The following FHIP2A variants were observed in gnomAD, a reference collection of about 807,000 sequenced individuals.
FHIP2A encodes family with sequence similarity 160 member B1.
A neutral mutation model predicts 93.5 loss-of-function variants in FHIP2A; 46 were observed. The ratio of observed to expected loss-of-function variants is 0.49; its 90% CI spans 0.39 to 0.63. The LOEUF is 0.63. Among genes scored for constraint, FHIP2A ranks in the 20% least tolerant of loss-of-function variants. The pLI, the probability that FHIP2A is intolerant of heterozygous loss-of-function variation, is 0.00. For synonymous variants in FHIP2A, 332 were observed against 326.5 expected (o/e 1.02, Z -0.18); for missense variants, 769 against 909.7 (o/e 0.85, Z 1.99).
At chr10:114,891,219 A>AATATATAT (rs67046628) in intron 16 of FHIP2A, among the ~76,000 whole-genome samples, 31,297 of 137,830 alleles carry the variant, frequency 0.23, 4,103 homozygotes, top group Middle Eastern at 0.34. Context: ...AACAACAACA[A>AATATATAT]ATATATATAT....
At chr10:114,857,467 G>A (rs1436321119) in intron 14 of FHIP2A, among the ~76,000 whole-genome samples, 3 of 151,708 alleles carry the variant, frequency 2.0e-5, no homozygotes, top group East Asian at 1.9e-4. Context: ...ACACCACCAC[G>A]CCTGGCAAAT....
Position 114,861,321 on chromosome 10 carries a change from C to G in FHIP2A, c.2179C>G (p.Pro727Ala). 1 of 1,614,156 alleles carries G rather than the reference C, an allele frequency of 6.2e-7. No individual in the cohort carries two copies. The highest frequency in any genetic ancestry group is 8.5e-7 in the Non-Finnish European group (1 of 1,180,024). The change falls in exon 16 of 17, where the codon CCT becomes GCT. Residue 727 changes from proline (P) to alanine (A), a missense_variant. Transcript: ENST00000369248. Reference protein sequence around the residue: ...LVRKRLLGLEPEGPIIDHITL... With the variant: ...LVRKRLLGLEAEGPIIDHITL... Reference sequence around the variant, plus strand: ...CAGAAAGCGGTTACTTGGTTTGGAACCTGAAGGCCCTATGTAAGTTAGTGT... The same window carrying G: ...CAGAAAGCGGTTACTTGGTTTGGAAGCTGAAGGCCCTATGTAAGTTAGTGT...
chr10:114,832,560 GA>G (rs926281874), intron 2 of FHIP2A, among the ~76,000 whole-genome samples: 214 of 150,652 alleles, frequency 1.4e-3, no homozygotes, highest in Middle Eastern at 6.8e-3. Context: ...CTGGCTAAGT[GA>G]AAAAAAAATA....
rs764141437 is a variant in FHIP2A at position 114,846,164 on chromosome 10, A to C, written c.1206-11A>C. 32 of 1,613,750 alleles carry C rather than the reference A, an allele frequency of 2.0e-5. No homozygotes were observed. The highest frequency in any genetic ancestry group is 4.0e-5 in the African/African-American group (3 of 74,886). ...ATTTTTGCCCACTGACTACCTGTTC[A>C]TTGTGCTCAGTTCTGAGATGGGTAT... On this transcript the variant is annotated splice_polypyrimidine_tract_variant and intron_variant, in intron 9 of 16. Transcript: ENST00000369248.
Position 114,836,200 on chromosome 10 carries a change from G to A in FHIP2A, c.476G>A (p.Cys159Tyr). 6.2e-7 allele frequency: 1 copy of A among 1,602,054 alleles called. No homozygotes were observed. The highest frequency in any genetic ancestry group is 8.5e-7 in the Non-Finnish European group (1 of 1,171,472). The part of the protein sequence containing the change: ...NEEIQFLCIV[C>Y]AKLKQDPYLV... ...GAGATTCAGTTTCTTTGCATTGTGT[G>A]TGCGAAGCTGAAACAGGACCCCTAC... The change falls in exon 5 of 17, where the codon TGT becomes TAT. Residue 159 changes from cysteine to tyrosine, a missense_variant. Physicochemically the swap from Cys to Tyr is radical, Grantham distance 194. Coordinates refer to ENST00000369248, the MANE Select transcript of FHIP2A (RefSeq NM_020940.4).
Position 114,843,814 on chromosome 10 carries a change from A to G in FHIP2A, c.890A>G (p.Lys297Arg). The change falls in exon 7 of 17, where the codon AAG (lysine) becomes AGG (arginine). Residue 297 changes from lysine (K) to arginine (R), a missense_variant. Coordinates refer to ENST00000369248, the MANE Select transcript of FHIP2A (RefSeq NM_020940.4). ...AGTTTGCCAGAGCCTGCGGCTGCAA[A>G]GTGCCTTACACAGAGCACTTGCTTG... ...LVSLPEPAAA[K>R]CLTQSTCLCE... 6.2e-7 allele frequency: 1 copy of G among 1,603,118 alleles called. No homozygotes were observed. Among genetic ancestry groups the G allele is most frequent in the Non-Finnish European group, 8.5e-7 (1 of 1,176,948 alleles).
chr10:114,879,815 C>T (rs918251825), intron 16 of FHIP2A, among the ~76,000 whole-genome samples: 5 of 152,128 alleles, frequency 3.3e-5, no homozygotes, highest in Non-Finnish European at 7.4e-5. Context: ...TAGCTTCCTT[C>T]GAGCCAATAT....
intron 16 of FHIP2A, among the ~76,000 whole-genome samples, chr10:114,891,202 TAAC>T (rs1213258234): frequency 1.5e-5 from 2 of 135,298 alleles, no homozygotes; most frequent in African/African-American, 2.8e-5. Context: ...TAAACAACCA[TAAC>T]AACAACAACA....
At chr10:114,871,790 A>G (rs1028072569) in intron 16 of FHIP2A, among the ~76,000 whole-genome samples, 1 of 152,060 alleles carries the variant, frequency 6.6e-6, no homozygotes, top group African/African-American at 2.4e-5. Context: ...CCATCAGGAG[A>G]TATGGCTGGG....
Position 114,860,850 on chromosome 10 carries a change from C to T in FHIP2A, c.2049C>T (p.Leu683=), listed in dbSNP as rs763087865. The T allele has an allele frequency of 2.0e-5, 33 of 1,613,556 alleles. 1 individual carries two copies. Among genetic ancestry groups the T allele is most frequent in the Non-Finnish European group, 2.6e-5 (31 of 1,179,514 alleles). Residue 683 remains leucine, a synonymous_variant, in exon 15 of 17, where the codon CTC becomes CTT. Coordinates refer to ENST00000369248, the MANE Select transcript of FHIP2A (RefSeq NM_020940.4). The part of the protein sequence containing the change: ...HEYLLDPYVN[L]APGCRSLFSV... ...ACCTTTTGGATCCTTACGTGAACCT[C>T]GCTCCTGGCTGTAGATCTCTCTTCT...
At chr10:114,879,557 TTCTG>T (rs2083906427) in intron 16 of FHIP2A, among the ~76,000 whole-genome samples, 1 of 152,148 alleles carries the variant, frequency 6.6e-6, no homozygotes, top group South Asian at 2.1e-4. Context: ...GTTCCCAAAT[TTCTG>T]TCTGTTGAAT....
intron 5 of FHIP2A, among the ~76,000 whole-genome samples, chr10:114,840,035 T>A (rs2083660218): frequency 6.6e-6 from 1 of 152,110 alleles, no homozygotes; most frequent in South Asian, 2.1e-4. Flanking sequence ...CTTAAGTACT[T>A]ACAGGATGGA....
intron 16 of FHIP2A, among the ~76,000 whole-genome samples, chr10:114,873,976 TGTAGCAC>T (rs1358872078): frequency 6.6e-6 from 1 of 151,828 alleles, no homozygotes; most frequent in African/African-American, 2.4e-5. Context: ...CCCTAAGTTC[TGTAGCAC>T]TGCATTGACT....
At chr10:114,825,057 A>T (rs547738337) in intron 1 of FHIP2A, among the ~76,000 whole-genome samples, 2 of 152,268 alleles carry the variant, frequency 1.3e-5, no homozygotes, top group East Asian at 3.9e-4. Context: ...GGTCTCTGTC[A>T]CCCAGGCTAG....
chr10:114,858,331 CTG>C (rs764399026), intron 14 of FHIP2A, among the ~76,000 whole-genome samples: 1 of 152,150 alleles, frequency 6.6e-6, no homozygotes, highest in East Asian at 1.9e-4. Context: ...GAGAAATAAT[CTG>C]TGTCAGCCTT....
In FHIP2A at chr10:114,857,484, A is replaced by G. The variant is rs111439533; in HGVS notation, c.1947+2144A>G. 4.6e-3 allele frequency among the ~76,000 whole-genome samples: 686 copies of G among 150,760 alleles called. 1 individual carries two copies. Among genetic ancestry groups the G allele is most frequent in the African/African-American group, 0.015 (621 of 41,034 alleles). On this transcript the variant is annotated intron_variant, in intron 14 of 16. Coordinates refer to ENST00000369248, the MANE Select transcript of FHIP2A (RefSeq NM_020940.4). ...ACCACCACGCCTGGCAAATTTTTGT[A>G]TTTTTAATAGAGATGGGGTTTCACC...
intron 4 of FHIP2A, 144 bp downstream of exon 4, chr10:114,835,785 G>T: frequency 1.8e-6 from 1 of 552,870 alleles, no homozygotes; most frequent in South Asian, 3.0e-5. Context: ...CTTTCTTTAT[G>T]CATCACATAG....
rs145920297 is a variant in FHIP2A, at chr10:114,833,138, A to G, written c.125-95A>G. 177 of 930,150 alleles carry G rather than the reference A, an allele frequency of 1.9e-4. 2 individuals are homozygous for G. The African/African-American group carries it at 2.7e-3, about 14-fold the overall frequency. The allele number at this position is 930,150 out of a possible 1,614,324, so 57.6% of individuals were successfully genotyped here. A position where few individuals can be genotyped will look rare whatever the true frequency, so the allele number is the denominator to read the frequency against. ...TAAGTGTGTAGTTCAGATTTTTCTC[A>G]GTTTGAATAGGAAAAGGGAAATACA... On this transcript the variant is annotated intron_variant, in intron 2 of 16. Coordinates refer to ENST00000369248, the MANE Select transcript of FHIP2A (RefSeq NM_020940.4).
chr10:114,826,568 G>T (rs528131851), intron 1 of FHIP2A, among the ~76,000 whole-genome samples: 3 of 152,352 alleles, frequency 2.0e-5, no homozygotes, highest in African/African-American at 7.2e-5. Context: ...CTCTATAGGA[G>T]AAGGGAGCAA....
Sources: allele counts gnomAD v4.1 joint callset (sites outside exome capture counted in the v4.1 genomes callset), GRCh38; gene constraint gnomAD v4.1.1; transcripts MANE v1.5; gene names NCBI Gene and HGNC (gene_info 2026-07-23, HGNC 2026-07-21).